CNKSR3: variants seen among roughly 807,000 people sequenced by gnomAD.
CNKSR3 encodes the protein CNKSR family member 3.
CNKSR3 carries 36 observed loss-of-function variants against 67.7 expected under a neutral mutation model. The observed-to-expected ratio is 0.53, with a 90% CI of 0.41 to 0.70. The LOEUF is 0.70. Among genes scored for constraint, CNKSR3 ranks in the 30% least tolerant of loss-of-function variants. CNKSR3 has a pLI of 0.00. For synonymous variants in CNKSR3, 281 were observed against 271.4 expected, an observed-to-expected ratio of 1.04 and a Z score of -0.35; for missense variants, 630 against 695.2, an observed-to-expected ratio of 0.91 and a Z score of 1.05.
rs56218677 is a variant in CNKSR3, at chr6:154,424,230, CAAAAAAA to C, written c.730-1254_730-1248del. On this transcript the variant is annotated intron_variant, in intron 7 of 12. Transcript: ENST00000607772. ...TAGGCGACAGAGCGAGACTCCGTCT[CAAAAAAA>C]AAAAAAAAAAAGAAAAGAAAAAAGA... Among the ~76,000 whole-genome samples the C allele has an allele frequency of 3.5e-3, 252 of 72,992 alleles. 4 individuals are homozygous for C. Among genetic ancestry groups the C allele is most frequent in the African/African-American group, 0.012 (242 of 20,458 alleles). The allele number at this position is 72,992 out of a possible 152,430, so 47.9% of individuals were successfully genotyped here.
At position 154,392,568 on chromosome 6, in the gene CNKSR3, G is replaced by C. The variant is rs1377208350; in HGVS notation, c.*13786C>G. On this transcript the variant is annotated 3_prime_UTR_variant, in exon 13 of 13. Transcript: ENST00000607772. ...AGCCCACCCTCAGAATCCAAAAGAG[G>C]GTCCCGAAACCTTGTGGGGATTGTA... 2 of 152,212 alleles carry C rather than the reference G, an allele frequency of 1.3e-5. No homozygotes were observed. The highest frequency in any genetic ancestry group is 4.8e-5 in the African/African-American group (2 of 41,452). The allele number at this position is 152,212 out of a possible 1,614,324, so 9.4% of individuals were successfully genotyped here. A position where few individuals can be genotyped will look rare whatever the true frequency, so the allele number is the denominator to read the frequency against.
In CNKSR3 at chr6:154,484,665, G is replaced by A. The variant is rs1470367723; in HGVS notation, c.52+25398C>T. On this transcript the variant is annotated intron_variant, in intron 1 of 12. Coordinates refer to ENST00000607772, the MANE Select transcript of CNKSR3 (RefSeq NM_173515.4). The stretch of plus-strand genomic sequence containing the variant: ...TGCAGTGAGCTAAGATCGCATCATT[G>A]CACTCCAGCCTGGGCAACAGAGCAA... Among the ~76,000 whole-genome samples the A allele has an allele frequency of 2.9e-5, 4 of 136,892 alleles. No individual in the cohort carries two copies. The East Asian group carries it at 8.2e-4, about 28-fold the overall frequency. The allele number at this position is 136,892 out of a possible 152,430, so 89.8% of individuals were successfully genotyped here.
rs1392406349 is a variant in CNKSR3, at chr6:154,414,437, AAC to A, written c.946-16_946-15del. The A allele has an allele frequency of 8.3e-6, 13 of 1,575,134 alleles. No homozygotes were observed. Among genetic ancestry groups the A allele is most frequent in the Non-Finnish European group, 1.1e-5 (13 of 1,163,780 alleles). On this transcript the variant is annotated splice_polypyrimidine_tract_variant and intron_variant, in intron 9 of 12. Coordinates refer to ENST00000607772, the MANE Select transcript of CNKSR3 (RefSeq NM_173515.4). Reference sequence around the variant, plus strand: ...TGGAGGTGAGGTCTGAAACAGGAGTAACACAGCAATGCAAAGAGTGGAGATCA... The same window carrying A: ...TGGAGGTGAGGTCTGAAACAGGAGTAACAGCAATGCAAAGAGTGGAGATCA...
chr6:154,509,923 C>A, intron 1 of CNKSR3, 140 bp downstream of exon 1: 2 of 899,680 alleles, frequency 2.2e-6, no homozygotes, highest in Non-Finnish European at 3.6e-6. Context: ...ACAGGCCACT[C>A]GGCAGAAGTT....
At chr6:154,422,025 C>T (rs1002051038) in intron 9 of CNKSR3, among the ~76,000 whole-genome samples, 1 of 142,672 alleles carries the variant, frequency 7.0e-6, no homozygotes, top group Admixed American at 7.2e-5. Context: ...TAGAGTCTCA[C>T]TCTGTCGTCC....
chr6:154,476,315 T>G (rs1382921464), intron 1 of CNKSR3, among the ~76,000 whole-genome samples: 5 of 151,926 alleles, frequency 3.3e-5, no homozygotes, highest in Non-Finnish European at 2.9e-5. Context: ...AAATTAGCTG[T>G]GCGTGCTGGC....
At position 154,406,580 on chromosome 6, in the gene CNKSR3, G is replaced by T. The variant is rs752427584; in HGVS notation, c.1442C>A (p.Pro481Gln). The T allele has an allele frequency of 6.2e-7, 1 of 1,614,198 alleles. No individual in the cohort carries two copies. The highest frequency in any genetic ancestry group is 8.5e-7 in the Non-Finnish European group (1 of 1,180,036). The stretch of plus-strand genomic sequence containing the variant: ...GGTCGTGGGTCTGGAGAACCGGTAT[G>T]GGGGAGAGGAGCTCTCTTCAATGAT... ...PPIIEESSSPPYRFSRPTTER... is the reference protein window; with the variant it reads ...PPIIEESSSPQYRFSRPTTER... Residue 481 changes from proline (P) to glutamine (Q), a missense_variant, in exon 13 of 13, where the codon CCA becomes CAA. Coordinates refer to ENST00000607772, the MANE Select transcript of CNKSR3 (RefSeq NM_173515.4).
In CNKSR3 at chr6:154,388,646, C is replaced by A. The variant is rs1784574833; in HGVS notation, c.*17708G>T. On this transcript the variant is annotated 3_prime_UTR_variant, in exon 13 of 13. Transcript: ENST00000607772. ...TTCCCATCAACAGTATGCAAGGGTT[C>A]CAATTTGTCCACTTCTTCACCAATA... is the stretch of plus-strand genomic sequence containing the variant. 1 of 152,140 alleles carries A rather than the reference C, an allele frequency of 6.6e-6. No individual in the cohort carries two copies. Among genetic ancestry groups the A allele is most frequent in the Admixed American group, 6.6e-5 (1 of 15,266 alleles). The allele number at this position is 152,140 out of a possible 1,614,324, so 9.4% of individuals were successfully genotyped here.
intron 1 of CNKSR3, among the ~76,000 whole-genome samples, chr6:154,500,600 GT>G (rs1786976762): frequency 6.6e-6 from 1 of 152,092 alleles, no homozygotes; most frequent in South Asian, 2.1e-4. Context: ...TATATTATGT[GT>G]TTAAAACTGC....
At chr6:154,492,129 A>T (rs996175741) in intron 1 of CNKSR3, among the ~76,000 whole-genome samples, 1 of 152,028 alleles carries the variant, frequency 6.6e-6, no homozygotes, top group Non-Finnish European at 1.5e-5. Context: ...CTGACCTCAC[A>T]GCAGTATTTG....
chr6:154,467,553 A>G (rs948023206), intron 1 of CNKSR3, among the ~76,000 whole-genome samples: 2 of 152,198 alleles, frequency 1.3e-5, no homozygotes, highest in South Asian at 4.1e-4. Flanking sequence ...AGCATAGGTC[A>G]TATTCGTAAG....
At chr6:154,462,344 T>C (rs944585294) in intron 1 of CNKSR3, among the ~76,000 whole-genome samples, 1 of 151,844 alleles carries the variant, frequency 6.6e-6, no homozygotes, top group African/African-American at 2.4e-5. Flanking sequence ...GTCTACTTTC[T>C]GTCTCTATGG....
chr6:154,485,440 A>C (rs146499453), intron 1 of CNKSR3, among the ~76,000 whole-genome samples: 179 of 152,354 alleles, frequency 1.2e-3, no homozygotes, highest in Non-Finnish European at 2.1e-3. Flanking sequence ...ACACTGAATA[A>C]AATATAGAAA....
At chr6:154,498,785 A>G (rs554091198) in intron 1 of CNKSR3, among the ~76,000 whole-genome samples, 1 of 152,364 alleles carries the variant, frequency 6.6e-6, no homozygotes, top group East Asian at 1.9e-4. Context: ...CTACTAAGAC[A>G]AAAGAGCTTT....
intron 1 of CNKSR3, among the ~76,000 whole-genome samples, chr6:154,484,901 G>A (rs947960129): frequency 6.6e-6 from 1 of 152,142 alleles, no homozygotes; most frequent in African/African-American, 2.4e-5. Context: ...AGGCTTGAAA[G>A]CTTGAATAGC....
At position 154,462,781 on chromosome 6, in the gene CNKSR3, G is replaced by A. The variant is rs77733261; in HGVS notation, c.53-12523C>T. ...GAAGGAGCCCAGCATTCTGTTATTC[G>A]CTGTGCCCTTCACAAGCCTTTCCAA... On this transcript the variant is annotated intron_variant, in intron 1 of 12. Coordinates refer to ENST00000607772, the MANE Select transcript of CNKSR3 (RefSeq NM_173515.4). Among the ~76,000 whole-genome samples, 50 of 152,244 alleles carry A rather than the reference G, an allele frequency of 3.3e-4. 1 individual carries two copies. The highest frequency in any genetic ancestry group is 1.9e-3 in the East Asian group (10 of 5,176).
intron 1 of CNKSR3, among the ~76,000 whole-genome samples, chr6:154,489,195 T>C (rs1786733708): frequency 6.6e-6 from 1 of 152,216 alleles, no homozygotes. Flanking sequence ...GGCCTGTGTC[T>C]GAGATGCTCA....
At chr6:154,464,793 G>A (rs1275601951) in intron 1 of CNKSR3, among the ~76,000 whole-genome samples, 1 of 152,006 alleles carries the variant, frequency 6.6e-6, no homozygotes, top group Non-Finnish European at 1.5e-5. Context: ...GGCCACCAGT[G>A]CGCTCTCAAG....
rs577863295 is a variant in CNKSR3, at chr6:154,436,830, C to T, written c.508-3323G>A. Reference sequence around the variant, plus strand: ...CTCAAATTACAGCCTCAACACTGAACGGGAAGATCTATCCTTGTACTTGGT... The same window carrying T: ...CTCAAATTACAGCCTCAACACTGAATGGGAAGATCTATCCTTGTACTTGGT... On this transcript the variant is annotated intron_variant, in intron 4 of 12. Coordinates refer to ENST00000607772, the MANE Select transcript of CNKSR3 (RefSeq NM_173515.4). 8.5e-5 allele frequency among the ~76,000 whole-genome samples: 13 copies of T among 152,136 alleles called. No homozygotes were observed. In the South Asian group the frequency reaches 1.7e-3, roughly 19 times the overall value.
Sources: allele counts gnomAD v4.1 joint callset (sites outside exome capture counted in the v4.1 genomes callset), GRCh38; gene constraint gnomAD v4.1.1; transcripts MANE v1.5; gene names NCBI Gene and HGNC (gene_info 2026-07-23, HGNC 2026-07-21).